Variants in MGAT4D observed in about 807,000 individuals in gnomAD.
MGAT4D encodes the protein alpha-1,3-mannosyl-glycoprotein 4-beta-N-acetylglucosaminyltransferase-like protein MGAT4D.
MGAT4D carries 34 observed loss-of-function variants against 15.9 expected under a neutral mutation model. The ratio of observed to expected loss-of-function variants is 2.14; its 90% CI spans 1.62 to 2.84. The LOEUF (loss-of-function observed/expected upper bound fraction) is 2.84. MGAT4D is among the 30% of genes most tolerant of loss of function. MGAT4D has a pLI of 0.00. For missense variants in MGAT4D, 327 were observed against 140.2 expected, an observed-to-expected ratio of 2.33 and a Z score of -6.73; for synonymous variants, 112 against 48.2, an observed-to-expected ratio of 2.33 and a Z score of -5.49.
chr4:140,487,864 G>A (rs978058650), intron 1 of MGAT4D, among the ~76,000 whole-genome samples: 2 of 152,118 alleles, frequency 1.3e-5, no homozygotes, highest in Admixed American at 6.5e-5. Context: ...TACCACACTG[G>A]ATGGCATAAG....
chr4:140,458,017 T>C (rs1215860631), intron 8 of MGAT4D: 1 of 152,068 alleles, frequency 6.6e-6, no homozygotes, highest in East Asian at 1.9e-4. Context: ...TATATACATA[T>C]AATAATAGAT....
chr4:140,446,802 T>C (rs1290166486), intron 10 of MGAT4D, among the ~76,000 whole-genome samples: 1 of 139,992 alleles, frequency 7.1e-6, no homozygotes, highest in Non-Finnish European at 1.5e-5. Flanking sequence ...TGTTAGATTG[T>C]TAACTTGAGA....
intron 1 of MGAT4D, among the ~76,000 whole-genome samples, chr4:140,486,065 C>T (rs995194687): frequency 6.6e-6 from 1 of 151,978 alleles, no homozygotes. Context: ...GAGTTCCTCC[C>T]TGGTCTCATT....
intron 1 of MGAT4D, among the ~76,000 whole-genome samples, chr4:140,488,851 C>T (rs1040189306): frequency 2.6e-5 from 4 of 152,066 alleles, no homozygotes; most frequent in African/African-American, 9.7e-5. Flanking sequence ...TGTGGCACCT[C>T]CCTGCCACTC....
In MGAT4D at chr4:140,443,413, A is replaced by T; in HGVS notation, c.*23T>A. Reference sequence around the variant, plus strand: ...AAGGTTATCTGAGGTTCCAGGTATTACAGAGTTTCTTCTTATTTATCTTCA... The same window carrying T: ...AAGGTTATCTGAGGTTCCAGGTATTTCAGAGTTTCTTCTTATTTATCTTCA... On this transcript the variant is annotated 3_prime_UTR_variant, in exon 11 of 11. Coordinates refer to ENST00000511113, the MANE Select transcript of MGAT4D (RefSeq NM_001277353.2). 1 of 534,554 alleles carries T rather than the reference A, an allele frequency of 1.9e-6. No individual in the cohort carries two copies. The highest frequency in any genetic ancestry group is 3.3e-6 in the Non-Finnish European group (1 of 299,758). 33.1% of individuals were successfully genotyped at this position (534,554 alleles called of 1,614,324 possible). A position where few individuals can be genotyped will look rare whatever the true frequency, so the allele number is the denominator to read the frequency against.
rs1370612944 is a variant in MGAT4D at position 140,447,693 on chromosome 4, G to C, written c.1116+3717C>G. On this transcript the variant is annotated intron_variant, in intron 10 of 10. Transcript: ENST00000511113. ...CTCTGCCTTTTAAGTGAGGGATTTA[G>C]CCTATTTACATTCAAGATTAGTATT... Among the ~76,000 whole-genome samples the C allele has an allele frequency of 2.6e-5, 4 of 152,216 alleles. 1 individual carries two copies. The South Asian group carries it at 8.3e-4, about 32-fold the overall frequency.
chr4:140,452,040 T>A (rs1217604084), intron 9 of MGAT4D, among the ~76,000 whole-genome samples: 1 of 151,000 alleles, frequency 6.6e-6, no homozygotes, highest in East Asian at 1.9e-4. Context: ...ACCACTCCTA[T>A]TAAAAACAAA....
At chr4:140,497,509 T>C (rs75024198) in intron 1 of MGAT4D, among the ~76,000 whole-genome samples, 2,144 of 152,334 alleles carry the variant, frequency 0.014, 27 homozygotes, top group Non-Finnish European at 0.021. Context: ...TTGGCACTTC[T>C]ATGGGCCAGG....
At position 140,451,469 on chromosome 4, in the gene MGAT4D, A is replaced by G; in HGVS notation, c.1057T>C (p.Ser353Pro). ...KKQIRIQYKP[S>P]LFQHVGIHSS... ...TGTATACCCACATGCTGGAAAAGAG[A>G]AGGTTTATACTGAATACGTATTTGC... Residue 353 changes from serine (S) to proline (P), a missense_variant, in exon 10 of 11, where the codon TCT becomes CCT. Ser to Pro is a moderately conservative substitution (Grantham distance 74, BLOSUM62 -1). Transcript: ENST00000511113. 4.7e-6 allele frequency: 3 copies of G among 633,000 alleles called. No homozygotes were observed. The highest frequency in any genetic ancestry group is 8.7e-6 in the Non-Finnish European group (3 of 346,158). 39.2% of individuals were successfully genotyped at this position (633,000 alleles called of 1,614,324 possible). A position where few individuals can be genotyped will look rare whatever the true frequency, so the allele number is the denominator to read the frequency against.
At chr4:140,453,431 C>A (rs1005433014) in intron 9 of MGAT4D, among the ~76,000 whole-genome samples, 2 of 151,636 alleles carry the variant, frequency 1.3e-5, no homozygotes, top group Non-Finnish European at 2.9e-5. Flanking sequence ...TTTAAGGTGT[C>A]CAGCATATAG....
chr4:140,483,844 C>A (rs191935271), intron 1 of MGAT4D, among the ~76,000 whole-genome samples: 2 of 146,680 alleles, frequency 1.4e-5, no homozygotes, highest in Non-Finnish European at 3.0e-5. Context: ...TATTTCAACT[C>A]GCATAAAAAA....
At chr4:140,444,501 T>C (rs1242279252) in intron 10 of MGAT4D, among the ~76,000 whole-genome samples, 1 of 152,200 alleles carries the variant, frequency 6.6e-6, no homozygotes, top group Non-Finnish European at 1.5e-5. Context: ...GTTAGTTTAC[T>C]AACAATCATG....
chr4:140,447,861 T>C (rs977164898), intron 10 of MGAT4D, among the ~76,000 whole-genome samples: 1 of 152,194 alleles, frequency 6.6e-6, no homozygotes, highest in African/African-American at 2.4e-5. Context: ...CTTTCCATAG[T>C]TAGTGCTCCT....
chr4:140,497,938 C>G (rs1733945124), intron 1 of MGAT4D, among the ~76,000 whole-genome samples, 191 bp downstream of exon 1: 1 of 152,182 alleles, frequency 6.6e-6, no homozygotes, highest in Admixed American at 6.5e-5. Flanking sequence ...CGGGTTACAG[C>G]CCAGCCGCCG....
At chr4:140,444,219 A>T (rs970119836) in intron 10 of MGAT4D, among the ~76,000 whole-genome samples, 19 of 151,996 alleles carry the variant, frequency 1.3e-4, no homozygotes, top group East Asian at 3.9e-4. Context: ...TATTTTTTTT[A>T]AAAAAGCTTT....
At position 140,443,242 on chromosome 4, in the gene MGAT4D, T is replaced by C. The variant is rs2126647669; in HGVS notation, c.*194A>G. ...ATTTTTAAATTAAATTGTAATAGGG[T>C]AAAAGCAATATAAATGTTCTACCTT... On this transcript the variant is annotated 3_prime_UTR_variant, in exon 11 of 11. Coordinates refer to ENST00000511113, the MANE Select transcript of MGAT4D (RefSeq NM_001277353.2). 1.1e-5 allele frequency: 3 copies of C among 267,484 alleles called. No individual in the cohort carries two copies. The South Asian group carries it at 3.8e-4, about 34-fold the overall frequency. The allele number at this position is 267,484 out of a possible 1,614,324, so 16.6% of individuals were successfully genotyped here. A position where few individuals can be genotyped will look rare whatever the true frequency, so the allele number is the denominator to read the frequency against.
Position 140,487,534 on chromosome 4 carries a change from A to G in MGAT4D, c.95-5049T>C, listed in dbSNP as rs1458391945. Among the ~76,000 whole-genome samples, 4 of 152,236 alleles carry G rather than the reference A, an allele frequency of 2.6e-5. 1 individual carries two copies. The highest frequency in any genetic ancestry group is 2.6e-4 in the Admixed American group (4 of 15,280). ...ATGAAACAAGTGAAAGTAATTTTAA[A>G]CAATATATTTTATTTAATACAATAT... is the stretch of plus-strand genomic sequence containing the variant. On this transcript the variant is annotated intron_variant, in intron 1 of 10. Coordinates refer to ENST00000511113, the MANE Select transcript of MGAT4D (RefSeq NM_001277353.2).
chr4:140,486,800 G>T (rs1200220277), intron 1 of MGAT4D, among the ~76,000 whole-genome samples: 2 of 152,180 alleles, frequency 1.3e-5, no homozygotes, highest in East Asian at 1.9e-4. Context: ...TTAATCAAAA[G>T]AACTGCACCT....
At chr4:140,469,218 C>T (rs1193020453) in intron 5 of MGAT4D, among the ~76,000 whole-genome samples, 2 of 152,128 alleles carry the variant, frequency 1.3e-5, no homozygotes, top group Non-Finnish European at 2.9e-5. Flanking sequence ...TAATGAACCC[C>T]AAATCAGTTT....
Sources: allele counts gnomAD v4.1 joint callset (sites outside exome capture counted in the v4.1 genomes callset), GRCh38; gene constraint gnomAD v4.1.1; transcripts MANE v1.5; gene names NCBI Gene and HGNC (gene_info 2026-07-23, HGNC 2026-07-21).